Variants in HAUS6 observed in about 807,000 individuals in gnomAD.
HAUS6 encodes the protein HAUS augmin like complex subunit 6.
Under a neutral mutation model 106.8 loss-of-function variants are expected in HAUS6, and 80 were observed. That is an observed-to-expected ratio of 0.75 (90% CI 0.63 to 0.90). HAUS6 has a LOEUF of 0.90. Ranked by LOEUF, HAUS6 falls within the 40% of genes least tolerant of loss-of-function variation. The pLI, the probability that HAUS6 is intolerant of heterozygous loss-of-function variation, is 0.00. For synonymous variants in HAUS6, 356 were observed against 379.1 expected (o/e 0.94, Z 0.71); for missense variants, 1,155 against 1,118.1 (o/e 1.03, Z -0.47).
At chr9:19,086,822 T>G in intron 6 of HAUS6, 40 bp from the exon 7 acceptor site, 1 of 839,628 alleles carries the variant, frequency 1.2e-6, no homozygotes, top group Non-Finnish European at 2.0e-6. Flanking sequence ...ATATTAAAAA[T>G]CACATGGTAA....
At chr9:19,102,096 T>C (rs770853506) in intron 1 of HAUS6, among the ~76,000 whole-genome samples, 4 of 152,212 alleles carry the variant, frequency 2.6e-5, no homozygotes, top group Non-Finnish European at 4.4e-5. Context: ...CAACATGCCT[T>C]ACTAATTAAA....
Position 19,058,003 on chromosome 9 carries a change from T to C in HAUS6, c.2764A>G (p.Thr922Ala). ...TCTCCAAGACTACATGCTATTGTGG[T>C]TCTCAATCTTTGTTCCACTGGAGAA... is the stretch of plus-strand genomic sequence containing the variant. The part of the protein sequence containing the change: ...KFSPVEQRLR[T>A]TIACSLGELP... The change falls in exon 16 of 17, where the codon ACC (threonine) becomes GCC (alanine). Residue 922 changes from threonine (T) to alanine (A), a missense_variant. Around this residue, in one of 3 missense-constraint regions of HAUS6, gnomAD observed 380 missense variants for 394.8 expected, o/e 0.96. Transcript: ENST00000380502. 1 of 1,611,760 alleles carries C rather than the reference T, an allele frequency of 6.2e-7. No individual in the cohort carries two copies. The highest frequency in any genetic ancestry group is 8.5e-7 in the Non-Finnish European group (1 of 1,177,876).
chr9:19,087,199 A>T, intron 5 of HAUS6, 43 bp from the exon 6 acceptor site: 1 of 1,009,256 alleles, frequency 9.9e-7, no homozygotes, highest in South Asian at 1.3e-5. Flanking sequence ...TACCATTACG[A>T]TTAATTAGTA....
chr9:19,088,635 A>G (rs1342686495), intron 5 of HAUS6, among the ~76,000 whole-genome samples: 1 of 151,918 alleles, frequency 6.6e-6, no homozygotes, highest in Non-Finnish European at 1.5e-5. Flanking sequence ...TGGGAGGCCA[A>G]GGCAGGCGGA....
At chr9:19,094,295 T>G (rs771581810) in intron 3 of HAUS6, 22 bp downstream of exon 3, 1 of 1,406,492 alleles carries the variant, frequency 7.1e-7, no homozygotes, top group South Asian at 1.2e-5. Context: ...AGTCTGTATC[T>G]TCTAACAAAA....
chr9:19,066,620 T>C (rs1045644946), intron 12 of HAUS6, among the ~76,000 whole-genome samples: 3 of 152,074 alleles, frequency 2.0e-5, no homozygotes, highest in African/African-American at 7.2e-5. Flanking sequence ...AGAATGCTAA[T>C]GCTCACAGTG....
In HAUS6 at chr9:19,055,651, G is replaced by C. The variant is rs1836453417; in HGVS notation, c.*692C>G. 6.6e-6 allele frequency: 1 copy of C among 152,190 alleles called. No individual in the cohort carries two copies. The highest frequency in any genetic ancestry group is 6.5e-5 in the Admixed American group (1 of 15,288). The allele number at this position is 152,190 out of a possible 1,614,324, so 9.4% of individuals were successfully genotyped here. On this transcript the variant is annotated 3_prime_UTR_variant, in exon 17 of 17. Coordinates refer to ENST00000380502, the MANE Select transcript of HAUS6 (RefSeq NM_017645.5). ...AACCCACTGAATGGATTTATAGTTT[G>C]ACAGTGTTCCTTGCAAGTGTCTACT... is the stretch of plus-strand genomic sequence containing the variant.
intron 11 of HAUS6, among the ~76,000 whole-genome samples, chr9:19,074,592 C>A (rs1465155628): frequency 6.6e-6 from 1 of 152,004 alleles, no homozygotes; most frequent in Non-Finnish European, 1.5e-5. Flanking sequence ...TTTTCTATGT[C>A]TTCTCTTCTG....
intron 3 of HAUS6, 141 bp downstream of exon 3, chr9:19,094,176 A>C: frequency 1.9e-6 from 1 of 525,572 alleles, no homozygotes; most frequent in Non-Finnish European, 3.4e-6. Context: ...AAACCATCAA[A>C]GAAGACTATT....
At chr9:19,087,786 T>G (rs1817647431) in intron 5 of HAUS6, among the ~76,000 whole-genome samples, 1 of 137,890 alleles carries the variant, frequency 7.3e-6, no homozygotes, top group Non-Finnish European at 1.5e-5. Context: ...AAGGCTGCCG[T>G]GAGTCATAAT....
Position 19,080,548 on chromosome 9 carries a change from A to C in HAUS6, c.995T>G (p.Val332Gly). Residue 332 changes from valine (V) to glycine (G), a missense_variant, in exon 9 of 17, where the codon GTA becomes GGA. Physicochemically the swap from Val to Gly is moderately radical, Grantham distance 109. Around this residue, in one of 3 missense-constraint regions of HAUS6, gnomAD observed 761 missense variants for 690.0 expected, o/e 1.10. Coordinates refer to ENST00000380502, the MANE Select transcript of HAUS6 (RefSeq NM_017645.5). Reference protein sequence around the residue: ...RCQADQARLTVDLHYLEKETK... With the variant: ...RCQADQARLTGDLHYLEKETK... The stretch of plus-strand genomic sequence containing the variant: ...CTCTTTTTCAAGGTAGTGAAGGTCT[A>C]CCGTCAATCTTGCTTGATCAGCCTG... The C allele has an allele frequency of 6.2e-7, 1 of 1,608,218 alleles. No individual in the cohort carries two copies. Among genetic ancestry groups the C allele is most frequent in the Non-Finnish European group, 8.5e-7 (1 of 1,176,066 alleles).
chr9:19,078,294 A>T lies in HAUS6; in HGVS notation c.1073T>A (p.Ile358Lys), dbSNP rs774558688. ...LSDLKHMRYRIKDDLTTIRHS... is the reference protein window; with the variant it reads ...LSDLKHMRYRKKDDLTTIRHS... ...TCTTATAGTTGTGAGATCATCTTTT[A>T]TTCTATACCTATAATAGCATAAAAA... The change falls in exon 10 of 17, where the codon ATA (isoleucine) becomes AAA (lysine). Residue 358 changes from isoleucine to lysine, a missense_variant. By Grantham distance (102) the Ile-to-Lys change is moderately radical. Transcript: ENST00000380502. 2.0e-5 allele frequency: 29 copies of T among 1,478,158 alleles called. No homozygotes were observed. The highest frequency in any genetic ancestry group is 2.5e-5 in the Non-Finnish European group (26 of 1,058,556). The allele number at this position is 1,478,158 out of a possible 1,614,324, so 91.6% of individuals were successfully genotyped here.
chr9:19,075,296 T>A (rs1435874387), intron 11 of HAUS6, among the ~76,000 whole-genome samples: 2 of 152,170 alleles, frequency 1.3e-5, no homozygotes, highest in Admixed American at 6.5e-5. Context: ...GTGATGAAAA[T>A]GTTTACAATT....
chr9:19,060,049 G>A (rs201225192), intron 15 of HAUS6, 39 bp downstream of exon 15: 14 of 1,540,760 alleles, frequency 9.1e-6, no homozygotes, highest in Middle Eastern at 1.7e-4. Context: ...TGGTTATGTC[G>A]ATGAAAGAAA....
At chr9:19,078,080 C>T (rs535478028) in intron 10 of HAUS6, 96 bp downstream of exon 10, 13 of 952,132 alleles carry the variant, frequency 1.4e-5, no homozygotes, top group South Asian at 9.8e-5. Context: ...GATCGTGCCA[C>T]TCTACTCCAG....
intron 4 of HAUS6, 146 bp from the exon 5 acceptor site, chr9:19,089,705 C>T: frequency 3.7e-6 from 2 of 541,936 alleles, no homozygotes; most frequent in Non-Finnish European, 6.3e-6. Flanking sequence ...GGAAAACAGA[C>T]TTACAAGCTA....
Position 19,102,630 on chromosome 9 carries a change from C to A in HAUS6, c.22G>T (p.Ala8Ser), listed in dbSNP as rs762664451. The A allele has an allele frequency of 6.2e-7, 1 of 1,612,794 alleles. No homozygotes were observed. The highest frequency in any genetic ancestry group is 1.7e-5 in the Admixed American group (1 of 59,906). Residue 8 changes from alanine (A) to serine (S), a missense_variant, in exon 1 of 17, where the codon GCT becomes TCT. Physicochemically the swap from Ala to Ser is moderately conservative, Grantham distance 99. Transcript: ENST00000380502. The part of the protein sequence containing the change: MSSASVT[A>S]FEKEHLWMYL... ...ATCCAGAGATGCTCCTTCTCGAAAG[C>A]GGTGACCGAGGCCGAGCTCATCCTC...
In HAUS6 at chr9:19,089,658, A is replaced by G. The variant is rs191182582; in HGVS notation, c.437-99T>C. 1.1e-5 allele frequency: 8 copies of G among 755,792 alleles called. No individual in the cohort carries two copies. The Admixed American group carries it at 2.2e-4, about 20-fold the overall frequency. The allele number at this position is 755,792 out of a possible 1,614,324, so 46.8% of individuals were successfully genotyped here. A position where few individuals can be genotyped will look rare whatever the true frequency, so the allele number is the denominator to read the frequency against. On this transcript the variant is annotated intron_variant, in intron 4 of 16. Coordinates refer to ENST00000380502, the MANE Select transcript of HAUS6 (RefSeq NM_017645.5). The stretch of plus-strand genomic sequence containing the variant: ...GTGTCACTAACGTTGGTGGTATACA[A>G]TCTCCCACTGCTAAATCTGATTGAC...
chr9:19,091,261 C>T (rs1414884154), intron 4 of HAUS6, among the ~76,000 whole-genome samples: 1 of 151,556 alleles, frequency 6.6e-6, no homozygotes, highest in Non-Finnish European at 1.5e-5. Context: ...GATCGCGCCA[C>T]CGCACTCCAG....
Sources: gnomAD v4.1 joint callset for allele counts (sites outside exome capture counted in the v4.1 genomes callset) on GRCh38, gnomAD v4.1.1 for gene constraint, gnomAD v4.1.1 regional missense constraint, MANE v1.5 for transcripts, NCBI Gene and HGNC (gene_info 2026-07-23, HGNC 2026-07-21) for gene names.